MAPK8: variants seen among roughly 807,000 people sequenced by gnomAD.
The protein encoded by MAPK8 is mitogen-activated protein kinase 8.
Under a neutral mutation model 52.9 loss-of-function variants are expected in MAPK8, and 13 were observed. The observed-to-expected ratio is 0.25, with a 90% CI of 0.16 to 0.39. The LOEUF (loss-of-function observed/expected upper bound fraction) is 0.39. Among genes scored for constraint, MAPK8 ranks in the 10% least tolerant of loss-of-function variants. MAPK8 has a pLI of 1.00. For synonymous variants in MAPK8, 191 were observed against 169.8 expected (o/e 1.12, Z -0.97); for missense variants, 300 against 519.2 (o/e 0.58, Z 4.10).
chr10:48,320,481 C>A (rs972211219), intron 1 of MAPK8, among the ~76,000 whole-genome samples: 2 of 151,996 alleles, frequency 1.3e-5, no homozygotes, highest in Non-Finnish European at 2.9e-5. Context: ...AAGTTATCCT[C>A]CCACCTTGAG....
intron 1 of MAPK8, among the ~76,000 whole-genome samples, chr10:48,391,793 G>C (rs1424630087): frequency 6.6e-6 from 1 of 152,156 alleles, no homozygotes; most frequent in African/African-American, 2.4e-5. Context: ...TCCAAGTTGA[G>C]GTTCCCATGC....
Position 48,306,773 on chromosome 10 carries a change from C to T in MAPK8, c.-98C>T, listed in dbSNP as rs1373589756. 1 of 151,580 alleles carries T rather than the reference C, an allele frequency of 6.6e-6. No homozygotes were observed. The highest frequency in any genetic ancestry group is 2.4e-5 in the African/African-American group (1 of 41,394). The allele number at this position is 151,580 out of a possible 1,614,324, so 9.4% of individuals were successfully genotyped here. On this transcript the variant is annotated 5_prime_UTR_variant, in exon 1 of 12. Coordinates refer to ENST00000374189, the MANE Select transcript of MAPK8 (RefSeq NM_001323329.2). ...GGCCGCGGCGACCACCCCGGACGGC[C>T]CCTGTCCCCGCTGGCGGGCTTCCCT...
At chr10:48,366,346 T>C (rs1192991236) in intron 1 of MAPK8, among the ~76,000 whole-genome samples, 1 of 152,174 alleles carries the variant, frequency 6.6e-6, no homozygotes, top group East Asian at 1.9e-4. Context: ...TCTAAGATGG[T>C]TCAGAATACT....
intron 1 of MAPK8, among the ~76,000 whole-genome samples, chr10:48,379,998 C>A (rs1377706879): frequency 6.8e-6 from 1 of 147,396 alleles, no homozygotes; most frequent in Non-Finnish European, 1.5e-5. Flanking sequence ...AATCCCAGCA[C>A]TTTGGGAGGC....
At chr10:48,377,373 C>A (rs996249639) in intron 1 of MAPK8, among the ~76,000 whole-genome samples, 8 of 148,556 alleles carry the variant, frequency 5.4e-5, no homozygotes, top group Non-Finnish European at 1.0e-4. Context: ...AAAAAAAATA[C>A]ATTTCTTGGA....
At chr10:48,383,799 C>G (rs1176857910) in intron 1 of MAPK8, among the ~76,000 whole-genome samples, 2 of 152,170 alleles carry the variant, frequency 1.3e-5, no homozygotes, top group Non-Finnish European at 2.9e-5. Context: ...ACATTTCTCT[C>G]TTTTAGACTA....
chr10:48,321,285 C>T (rs981285229), intron 1 of MAPK8, among the ~76,000 whole-genome samples: 6 of 151,866 alleles, frequency 4.0e-5, no homozygotes, highest in Non-Finnish European at 8.8e-5. Flanking sequence ...GATGGGGTCT[C>T]ACTGTGCCGC....
At chr10:48,393,982 AAGAGG>A (rs1215841711) in intron 1 of MAPK8, among the ~76,000 whole-genome samples, 2 of 151,920 alleles carry the variant, frequency 1.3e-5, no homozygotes, top group African/African-American at 4.8e-5. Context: ...ATAGGAATGA[AAGAGG>A]AGAGATGAGT....
rs534046701 is a variant in MAPK8, at chr10:48,388,302, GT to G, written c.-49-13307del. ...AATTCTAAGGTTAGCCATTAAGTAG[GT>G]TTATGATAAAACTTTGTTTTATTGT... On this transcript the variant is annotated intron_variant, in intron 1 of 11. Coordinates refer to ENST00000374189, the MANE Select transcript of MAPK8 (RefSeq NM_001323329.2). Among the ~76,000 whole-genome samples the G allele has an allele frequency of 1.9e-3, 289 of 152,208 alleles. 1 individual carries two copies. Among genetic ancestry groups the G allele is most frequent in the African/African-American group, 6.7e-3 (277 of 41,524 alleles).
At chr10:48,343,612 A>G (rs1310757376) in intron 1 of MAPK8, among the ~76,000 whole-genome samples, 1 of 152,198 alleles carries the variant, frequency 6.6e-6, no homozygotes, top group Non-Finnish European at 1.5e-5. Context: ...TTAAATGTGA[A>G]TTTAAAAAGT....
At position 48,410,126 on chromosome 10, in the gene MAPK8, G is replaced by A. The variant is rs969491000; in HGVS notation, c.408G>A (p.Leu136=). 1.3e-6 allele frequency: 2 copies of A among 1,574,772 alleles called. No individual in the cohort carries two copies. The highest frequency in any genetic ancestry group is 1.7e-4 in the Middle Eastern group (1 of 5,890). ...TGTCCTACCTTCTCTATCAGATGCT[G>A]TGTGGAATCAAGCACCTTCATTCTG... is the stretch of plus-strand genomic sequence containing the variant. ...ERMSYLLYQM[L]CGIKHLHSAG... Residue 136 remains leucine (L), a synonymous_variant, in exon 5 of 12, where the codon CTG becomes CTA. Coordinates refer to ENST00000374189, the MANE Select transcript of MAPK8 (RefSeq NM_001323329.2).
intron 5 of MAPK8, among the ~76,000 whole-genome samples, chr10:48,416,007 C>G (rs2043046051): frequency 6.6e-6 from 1 of 152,136 alleles, no homozygotes; most frequent in Admixed American, 6.5e-5. Context: ...CTTTGGGAAA[C>G]TCTAGAGTGG....
chr10:48,367,536 A>G (rs765936975), intron 1 of MAPK8, among the ~76,000 whole-genome samples: 4 of 152,082 alleles, frequency 2.6e-5, no homozygotes, highest in Non-Finnish European at 4.4e-5. Flanking sequence ...TGAAAAGTCT[A>G]TCTTGCAGAC....
chr10:48,355,782 T>A (rs1278501593), intron 1 of MAPK8, among the ~76,000 whole-genome samples: 1 of 152,154 alleles, frequency 6.6e-6, no homozygotes, highest in Admixed American at 6.5e-5. Context: ...CACAGGAACC[T>A]AAGGTGGTTA....
intron 6 of MAPK8, among the ~76,000 whole-genome samples, chr10:48,422,002 TTATC>T (rs1210208749): frequency 7.7e-6 from 1 of 129,634 alleles, no homozygotes; most frequent in African/African-American, 2.9e-5. Flanking sequence ...CTCATTTTAT[TTATC>T]TTATTTATTT....
At chr10:48,350,610 C>G (rs1054360827) in intron 1 of MAPK8, among the ~76,000 whole-genome samples, 2 of 151,846 alleles carry the variant, frequency 1.3e-5, no homozygotes, top group African/African-American at 4.9e-5. Context: ...ATTGATGGAA[C>G]TTATCTCAAA....
intron 2 of MAPK8, among the ~76,000 whole-genome samples, 185 bp from the exon 3 acceptor site, chr10:48,404,667 A>G (rs972279024): frequency 6.6e-6 from 1 of 152,152 alleles, no homozygotes; most frequent in Non-Finnish European, 1.5e-5. Flanking sequence ...GCATTTTAGG[A>G]AATAGTTGCA....
chr10:48,384,014 T>C (rs920687418), intron 1 of MAPK8, among the ~76,000 whole-genome samples: 1 of 152,100 alleles, frequency 6.6e-6, no homozygotes, highest in African/African-American at 2.4e-5. Flanking sequence ...CCCAGCACTT[T>C]GGGAGGCCAA....
chr10:48,344,414 TC>T (rs1845576222), intron 1 of MAPK8, among the ~76,000 whole-genome samples: 1 of 152,214 alleles, frequency 6.6e-6, no homozygotes, highest in African/African-American at 2.4e-5. Flanking sequence ...TTCCCACTAG[TC>T]ATCGATTTTT....
Sources: gnomAD v4.1 joint callset for allele counts (sites outside exome capture counted in the v4.1 genomes callset) on GRCh38, gnomAD v4.1.1 for gene constraint, MANE v1.5 for transcripts, NCBI Gene and HGNC (gene_info 2026-07-23, HGNC 2026-07-21) for gene names.